TUBGCP5: variants seen among roughly 807,000 people sequenced by gnomAD.
TUBGCP5 encodes tubulin gamma complex component 5.
TUBGCP5 carries 98 observed loss-of-function variants against 134.7 expected under a neutral mutation model. The ratio of observed to expected loss-of-function variants is 0.73; its 90% CI spans 0.62 to 0.86. The LOEUF is 0.86. Ranked by LOEUF, TUBGCP5 falls within the 40% of genes least tolerant of loss-of-function variation. The probability of loss-of-function intolerance (pLI) is 0.00; values close to 1 mark genes in which losing one functional copy is unlikely to be tolerated. For synonymous variants in TUBGCP5, 456 were observed against 431.4 expected (o/e 1.06, Z -0.71); for missense variants, 1,150 against 1,244.8 (o/e 0.92, Z 1.15).
At chr15:22,987,895 C>CAAAAAA (rs869168765) in intron 23 of TUBGCP5, among the ~76,000 whole-genome samples, 3 of 20,492 alleles carry the variant, frequency 1.5e-4, no homozygotes, top group East Asian at 2.3e-3. Flanking sequence ...GACTCCATCT[C>CAAAAAA]AAAAAAAAAA....
chr15:23,003,607 C>A (rs1413402895), intron 20 of TUBGCP5, among the ~76,000 whole-genome samples: 2 of 137,148 alleles, frequency 1.5e-5, no homozygotes, highest in East Asian at 2.2e-4. Flanking sequence ...GATACAATTT[C>A]TACGAATAGG....
rs376655112 is a variant in TUBGCP5, at chr15:23,024,737, A to G, written c.921T>C (p.His307=). ...ATTACCATAAATACAAATAACTTAC[A>G]TGTGTTAAATGAGTTACTATAATAT... ...RNNIIVTHLT[H]SCLRSVLEQI... is the part of the protein sequence containing the mutation. Residue 307 remains histidine (H), a splice_region_variant and synonymous_variant, in exon 9 of 23, where the codon CAT becomes CAC. Transcript: ENST00000615383. 7.8e-6 allele frequency: 11 copies of G among 1,412,460 alleles called. No homozygotes were observed. Among genetic ancestry groups the G allele is most frequent in the Non-Finnish European group, 9.8e-6 (10 of 1,018,960 alleles). 87.5% of individuals were successfully genotyped at this position (1,412,460 alleles called of 1,614,324 possible).
At chr15:23,038,982 A>G (rs1209677400) in intron 1 of TUBGCP5, among the ~76,000 whole-genome samples, 2 of 152,036 alleles carry the variant, frequency 1.3e-5, no homozygotes, top group Admixed American at 1.3e-4. Context: ...GAGATCTTAC[A>G]CTGGGCTGAC....
At chr15:23,002,491 C>T (rs2064444178) in intron 21 of TUBGCP5, among the ~76,000 whole-genome samples, 2 of 152,162 alleles carry the variant, frequency 1.3e-5, no homozygotes, top group South Asian at 4.1e-4. Flanking sequence ...GGAGCTGCTC[C>T]CGGGCCACTT....
chr15:23,018,259 G>A (rs1105271), intron 12 of TUBGCP5, among the ~76,000 whole-genome samples: 6,725 of 152,234 alleles, frequency 0.044, 374 homozygotes, highest in African/African-American at 0.13. Context: ...AGTAGAAATA[G>A]TTTCCTGAAT....
In TUBGCP5 at chr15:23,016,969, G is replaced by GATAT. The variant is rs57631069; in HGVS notation, c.1756+800_1756+803dup. Among the ~76,000 whole-genome samples, 127 of 109,428 alleles carry GATAT rather than the reference G, an allele frequency of 1.2e-3. 11 individuals are homozygous for GATAT. The highest frequency in any genetic ancestry group is 1.9e-3 in the South Asian group (6 of 3,142). 71.8% of individuals were successfully genotyped at this position (109,428 alleles called of 152,430 possible). A position where few individuals can be genotyped will look rare whatever the true frequency, so the allele number is the denominator to read the frequency against. On this transcript the variant is annotated intron_variant, in intron 13 of 22. Coordinates refer to ENST00000615383, the MANE Select transcript of TUBGCP5 (RefSeq NM_052903.6). ...AGATGAATGGGTAAAAAAATTGTGAGATATATATATATATATATGTATATA... is the reference window on the plus strand; with the variant it reads ...AGATGAATGGGTAAAAAAATTGTGAGATATATATATATATATATATATGTATATA...
intron 21 of TUBGCP5, 80 bp downstream of exon 21, chr15:23,002,985 G>A: frequency 2.8e-6 from 4 of 1,416,526 alleles, no homozygotes; most frequent in Non-Finnish European, 2.0e-6. Context: ...TGAATGGCTG[G>A]GAAGACCCTG....
intron 13 of TUBGCP5, among the ~76,000 whole-genome samples, chr15:23,015,007 G>C (rs2065233910): frequency 6.6e-6 from 1 of 152,074 alleles, no homozygotes; most frequent in Non-Finnish European, 1.5e-5. Context: ...ACCCCACCTT[G>C]GCCAAACCAC....
intron 13 of TUBGCP5, among the ~76,000 whole-genome samples, chr15:23,016,368 C>T (rs528998540): frequency 3.2e-4 from 48 of 152,094 alleles, no homozygotes; most frequent in African/African-American, 1.1e-3. Flanking sequence ...GTGGCGGGTG[C>T]CTATAATCCC....
At chr15:23,030,600 T>TAAAAAAA (rs1567162272) in intron 6 of TUBGCP5, among the ~76,000 whole-genome samples, 6 of 118,766 alleles carry the variant, frequency 5.1e-5, no homozygotes, top group Admixed American at 8.8e-5. Context: ...CCTTCTCCAA[T>TAAAAAAA]TAAAAAAAAA....
chr15:23,007,380 ACT>A (rs1380309175), intron 16 of TUBGCP5, among the ~76,000 whole-genome samples: 2 of 152,076 alleles, frequency 1.3e-5, no homozygotes, highest in Non-Finnish European at 2.9e-5. Flanking sequence ...ACAGAGCAAG[ACT>A]CTGTCTCAAA....
intron 23 of TUBGCP5, among the ~76,000 whole-genome samples, chr15:22,991,340 C>A (rs756052221): frequency 1.9e-4 from 29 of 152,154 alleles, no homozygotes; most frequent in Non-Finnish European, 2.9e-4. Context: ...AGGTGATCCG[C>A]CTGCCTCGGC....
At chr15:23,014,204 C>T (rs1255637176) in intron 13 of TUBGCP5, among the ~76,000 whole-genome samples, 1 of 152,204 alleles carries the variant, frequency 6.6e-6, no homozygotes, top group East Asian at 1.9e-4. Context: ...AGAAACAGCC[C>T]CACAGCATCA....
chr15:22,987,102 G>A (rs1027793742), intron 23 of TUBGCP5, among the ~76,000 whole-genome samples: 3 of 152,008 alleles, frequency 2.0e-5, no homozygotes, highest in Non-Finnish European at 4.4e-5. Context: ...GGAGGCTGAG[G>A]CAGGCGGACC....
intron 1 of TUBGCP5, among the ~76,000 whole-genome samples, chr15:23,038,192 AT>A (rs1163477793): frequency 6.6e-6 from 1 of 152,194 alleles, no homozygotes; most frequent in African/African-American, 2.4e-5. Flanking sequence ...AATGTTTTCC[AT>A]TTTTTAGTAT....
chr15:22,999,921 A>T (rs1020206536), intron 22 of TUBGCP5, 55 bp from the exon 23 acceptor site: 117 of 1,576,142 alleles, frequency 7.4e-5, no homozygotes, highest in African/African-American at 1.5e-4. Flanking sequence ...TTGAAAAAAA[A>T]TTTTTTTTGA....
At position 23,011,122 on chromosome 15, in the gene TUBGCP5, G is replaced by A; in HGVS notation, c.1955+11C>T. 1 of 1,612,594 alleles carries A rather than the reference G, an allele frequency of 6.2e-7. No homozygotes were observed. Among genetic ancestry groups the A allele is most frequent in the Non-Finnish European group, 8.5e-7 (1 of 1,179,134 alleles). The stretch of plus-strand genomic sequence containing the variant: ...ATTTCAATTACTGATAACCTTGCAG[G>A]TGTGTCTCACCTTGCAAAGTTAATG... On this transcript the variant is annotated intron_variant, in intron 14 of 22. Transcript: ENST00000615383.
chr15:23,024,378 C>A, intron 9 of TUBGCP5, 185 bp from the exon 10 acceptor site: 1 of 614,828 alleles, frequency 1.6e-6, no homozygotes, highest in Non-Finnish European at 2.5e-6. Flanking sequence ...ACAATAATTT[C>A]AACAGACTAG....
chr15:22,995,914 G>C (rs1046919827), downstream of TUBGCP5, among the ~76,000 whole-genome samples: 1 of 151,614 alleles, frequency 6.6e-6, no homozygotes, highest in Non-Finnish European at 1.5e-5. Context: ...CTTTTTTTTC[G>C]ACATAAAGTT....
Sources: allele counts gnomAD v4.1 joint callset (sites outside exome capture counted in the v4.1 genomes callset), GRCh38; gene constraint gnomAD v4.1.1; transcripts MANE v1.5; gene names NCBI Gene and HGNC (gene_info 2026-07-23, HGNC 2026-07-21).